Variants in RAB19 observed in about 807,000 individuals in gnomAD.
The protein encoded by RAB19 is ras-related protein Rab-19.
In RAB19, 21 loss-of-function variants were observed where a neutral mutation model predicts 17.3. The observed-to-expected ratio is 1.21, with a 90% CI of 0.86 to 1.74. The LOEUF is 1.74. Ranked by LOEUF, RAB19 falls within the 40% of genes most tolerant of loss-of-function variation. The pLI, the probability that RAB19 is intolerant of heterozygous loss-of-function variation, is 0.00. For missense variants in RAB19, 277 were observed against 286.8 expected (o/e 0.97, Z 0.25); for synonymous variants, 126 against 110.4 (o/e 1.14, Z -0.88).
At chr7:140,417,937 T>G (rs897799538) in intron 3 of RAB19, among the ~76,000 whole-genome samples, 1 of 152,172 alleles carries the variant, frequency 6.6e-6, no homozygotes, top group Non-Finnish European at 1.5e-5. Flanking sequence ...CATCTCAAGA[T>G]CCTCAAATTA....
At chr7:140,409,613 A>G (rs1412480298) in intron 2 of RAB19, among the ~76,000 whole-genome samples, 1 of 151,748 alleles carries the variant, frequency 6.6e-6, no homozygotes, top group African/African-American at 2.4e-5. Flanking sequence ...CATGAAAATT[A>G]CTTGAACCCA....
At position 140,425,947 on chromosome 7, in the gene RAB19, A is replaced by T; in HGVS notation, c.451A>T (p.Lys151Ter). The change falls in exon 4 of 4, where the codon AAG becomes TAG. Residue 151 changes from lysine (K) to a stop codon, truncating the protein, a stop_gained. Transcript: ENST00000537763. LOFTEE classifies it high-confidence loss of function. Reference sequence around the variant, plus strand: ...CGAGGATGCCTGCACACTGGCTGAGAAGTACGGCCTCCTGGCCGTTTTGGA... The same window carrying T: ...CGAGGATGCCTGCACACTGGCTGAGTAGTACGGCCTCCTGGCCGTTTTGGA... ...LFEDACTLAE[K>*]YGLLAVLETS... 1.9e-6 allele frequency: 3 copies of T among 1,614,192 alleles called. No individual in the cohort carries two copies. Among genetic ancestry groups the T allele is most frequent in the Non-Finnish European group, 2.5e-6 (3 of 1,180,038 alleles).
intron 3 of RAB19, among the ~76,000 whole-genome samples, chr7:140,420,571 A>T (rs1799540573): frequency 6.6e-6 from 1 of 152,076 alleles, no homozygotes; most frequent in South Asian, 2.1e-4. Context: ...ATTCAAAGAA[A>T]GTTTATTTTT....
rs1462753142 is a variant in RAB19, at chr7:140,416,443, G to A, written c.385+4386G>A. On this transcript the variant is annotated intron_variant, in intron 3 of 3. Transcript: ENST00000537763. ...CTGGTTACAGCTGCCCAGGAGTGGAGTTTCAGAGTTTAGGGGATTTGGGGG... is the reference window on the plus strand; with the variant it reads ...CTGGTTACAGCTGCCCAGGAGTGGAATTTCAGAGTTTAGGGGATTTGGGGG... Among the ~76,000 whole-genome samples, 4 of 152,180 alleles carry A rather than the reference G, an allele frequency of 2.6e-5. No individual in the cohort carries two copies. In the East Asian group the frequency reaches 5.8e-4, roughly 22 times the overall value.
At chr7:140,423,844 C>A (rs1563075143) in intron 3 of RAB19, among the ~76,000 whole-genome samples, 1 of 151,968 alleles carries the variant, frequency 6.6e-6, no homozygotes, top group Non-Finnish European at 1.5e-5. Flanking sequence ...CATTTCATGA[C>A]AAGAAACTTT....
At position 140,427,138 on chromosome 7, in the gene RAB19, GTTCTTT is replaced by G. The variant is rs1232556090; in HGVS notation, c.*991_*996del. ...ATTACAGGCATGAGCCACCATGCCT[GTTCTTT>G]TTTTTTTTTTTTTTTTTTGAGACTG... On this transcript the variant is annotated 3_prime_UTR_variant, in exon 4 of 4. Transcript: ENST00000537763. 5.9e-5 allele frequency among the ~76,000 whole-genome samples: 7 copies of G among 119,326 alleles called. No homozygotes were observed. Among genetic ancestry groups the G allele is most frequent in the Non-Finnish European group, 1.2e-4 (7 of 59,578 alleles). 78.3% of individuals were successfully genotyped at this position (119,326 alleles called of 152,430 possible). A position where few individuals can be genotyped will look rare whatever the true frequency, so the allele number is the denominator to read the frequency against.
Position 140,411,978 on chromosome 7 carries a change from G to A in RAB19, c.306G>A (p.Arg102=). The A allele has an allele frequency of 6.2e-7, 1 of 1,614,068 alleles. No individual in the cohort carries two copies. The highest frequency in any genetic ancestry group is 8.5e-7 in the Non-Finnish European group (1 of 1,180,040). ...TCATCGCCTATGACCTCACCCGGCGGTCCACGTTCGAGTCCATCCCTCACT... is the reference window on the plus strand; with the variant it reads ...TCATCGCCTATGACCTCACCCGGCGATCCACGTTCGAGTCCATCCCTCACT... ...AAIIAYDLTR[R]STFESIPHWI... Residue 102 remains arginine (R), a synonymous_variant, in exon 3 of 4, where the codon CGG becomes CGA. Coordinates refer to ENST00000537763, the MANE Select transcript of RAB19 (RefSeq NM_001008749.3).
rs1366143445 is a variant in RAB19, at chr7:140,427,596, C to T, written c.*1446C>T. Among the ~76,000 whole-genome samples the T allele has an allele frequency of 6.6e-6, 1 of 151,000 alleles. No homozygotes were observed. The highest frequency in any genetic ancestry group is 1.5e-5 in the Non-Finnish European group (1 of 67,894). On this transcript the variant is annotated 3_prime_UTR_variant, in exon 4 of 4. Transcript: ENST00000537763. ...CCTCCCTAGTAGCTGGGATTACAGC[C>T]TCCCGCCACCACGCCTAGCTAATTT...
chr7:140,410,336 T>TTC (rs1799334625), intron 2 of RAB19, among the ~76,000 whole-genome samples: 1 of 141,168 alleles, frequency 7.1e-6, no homozygotes, highest in Non-Finnish European at 1.6e-5. Flanking sequence ...TTTTTTTTTT[T>TTC]TGAGACGGAG....
intron 3 of RAB19, among the ~76,000 whole-genome samples, chr7:140,425,262 G>A (rs1422412165): frequency 2.6e-5 from 4 of 151,980 alleles, no homozygotes; most frequent in African/African-American, 7.3e-5. Context: ...CTCCAGCCTG[G>A]GTGACAGAGT....
At chr7:140,407,529 C>G in intron 1 of RAB19, 95 bp from the exon 2 acceptor site, 1 of 839,118 alleles carries the variant, frequency 1.2e-6, no homozygotes, top group Non-Finnish European at 1.9e-6. Flanking sequence ...CGTCCTCTCA[C>G]AAGGATGTAG....
At chr7:140,407,915 C>A in intron 2 of RAB19, 68 bp downstream of exon 2, 1 of 1,103,718 alleles carries the variant, frequency 9.1e-7, no homozygotes, top group Non-Finnish European at 1.2e-6. Flanking sequence ...TTCCTTGAGA[C>A]GGAGTCTCGC....
rs1419515548 is a variant in RAB19, at chr7:140,425,981, C to T, written c.485C>T (p.Ala162Val). 5.6e-6 allele frequency: 9 copies of T among 1,614,018 alleles called. No homozygotes were observed. In the Admixed American group the frequency reaches 1.2e-4, roughly 21 times the overall value. The part of the protein sequence containing the change: ...YGLLAVLETS[A>V]KESKNIEEVF... ...CTCCTGGCCGTTTTGGAGACATCTG[C>T]CAAGGAGTCAAAGAACATAGAAGAA... The change falls in exon 4 of 4, where the codon GCC becomes GTC. Residue 162 changes from alanine to valine, a missense_variant. Ala to Val is a moderately conservative substitution (Grantham distance 64). Coordinates refer to ENST00000537763, the MANE Select transcript of RAB19 (RefSeq NM_001008749.3).
chr7:140,414,104 G>A (rs930086766), intron 3 of RAB19, among the ~76,000 whole-genome samples: 1 of 152,088 alleles, frequency 6.6e-6, no homozygotes, highest in African/African-American at 2.4e-5. Context: ...GAGTGCAGTG[G>A]CATGACCTCG....
intron 2 of RAB19, among the ~76,000 whole-genome samples, chr7:140,408,199 T>C (rs1799286450): frequency 6.6e-6 from 1 of 151,912 alleles, no homozygotes; most frequent in African/African-American, 2.4e-5. Context: ...CCACCTTTTT[T>C]AGCCAGAATT....
chr7:140,405,788 C>CAAAAAAA (rs35424074), intron 1 of RAB19, among the ~76,000 whole-genome samples: 1 of 108,846 alleles, frequency 9.2e-6, no homozygotes, highest in Non-Finnish European at 2.0e-5. Context: ...GACTCTGTCT[C>CAAAAAAA]AAAAAAAAAA....
chr7:140,410,746 C>G (rs1799344737), intron 2 of RAB19, among the ~76,000 whole-genome samples: 1 of 152,176 alleles, frequency 6.6e-6, no homozygotes, highest in Non-Finnish European at 1.5e-5. Flanking sequence ...GCATGAGCCA[C>G]TGCACCCAGC....
chr7:140,419,560 G>A (rs1428930279), intron 3 of RAB19, among the ~76,000 whole-genome samples: 1 of 152,114 alleles, frequency 6.6e-6, no homozygotes, highest in Non-Finnish European at 1.5e-5. Context: ...CTTGGCAATG[G>A]ACATTTGAGT....
chr7:140,410,482 G>A (rs995933637), intron 2 of RAB19, among the ~76,000 whole-genome samples: 1 of 151,852 alleles, frequency 6.6e-6, no homozygotes, highest in African/African-American at 2.4e-5. Context: ...GCCCGCCACG[G>A]CGCCCGGCTA....
Sources: allele counts gnomAD v4.1 joint callset (sites outside exome capture counted in the v4.1 genomes callset), GRCh38; gene constraint gnomAD v4.1.1; transcripts MANE v1.5; gene names NCBI Gene and HGNC (gene_info 2026-07-23, HGNC 2026-07-21).